INTS8: variants seen among roughly 807,000 people sequenced by gnomAD.
INTS8 encodes the protein integrator complex subunit 8.
A neutral mutation model predicts 138.9 loss-of-function variants in INTS8; 47 were observed. The observed-to-expected ratio is 0.34, with a 90% CI of 0.27 to 0.43. The LOEUF (loss-of-function observed/expected upper bound fraction) is 0.43. Ranked by LOEUF, INTS8 falls within the 20% of genes least tolerant of loss-of-function variation. The probability of loss-of-function intolerance (pLI) is 1.00; values close to 1 mark genes in which losing one functional copy is unlikely to be tolerated. For synonymous variants in INTS8, 392 were observed against 400.9 expected (o/e 0.98, Z 0.27); for missense variants, 996 against 1,173.0 (o/e 0.85, Z 2.20).
intron 1 of INTS8, among the ~76,000 whole-genome samples, chr8:94,824,158 A>T (rs954702224): frequency 6.6e-6 from 1 of 152,186 alleles, no homozygotes; most frequent in Admixed American, 6.5e-5. Context: ...GGTGTGATTG[A>T]TGGGGGAGGA....
Position 94,852,492 on chromosome 8 carries a change from C to A in INTS8, c.1641+806C>A, listed in dbSNP as rs111535183. 7.0e-3 allele frequency among the ~76,000 whole-genome samples: 1,071 copies of A among 152,084 alleles called. 8 individuals carry two copies. Among genetic ancestry groups the A allele is most frequent in the South Asian group, 0.01 (50 of 4,816 alleles). Reference sequence around the variant, plus strand: ...ATACAAGGGAAGTAATCGACAGATACAGGAGAAATTAAAGCAATATGGTAA... The same window carrying A: ...ATACAAGGGAAGTAATCGACAGATAAAGGAGAAATTAAAGCAATATGGTAA... On this transcript the variant is annotated intron_variant, in intron 13 of 26. Coordinates refer to ENST00000523731, the MANE Select transcript of INTS8 (RefSeq NM_017864.4).
intron 13 of INTS8, among the ~76,000 whole-genome samples, chr8:94,853,385 A>T (rs1209339141): frequency 6.6e-6 from 1 of 152,190 alleles, no homozygotes; most frequent in Non-Finnish European, 1.5e-5. Context: ...GGATTCTGGG[A>T]CTAACCGCGT....
intron 10 of INTS8, among the ~76,000 whole-genome samples, chr8:94,843,248 A>G (rs1815202620): frequency 1.3e-5 from 2 of 152,184 alleles, no homozygotes; most frequent in Non-Finnish European, 2.9e-5. Context: ...CAAGTTGTAT[A>G]TAAATAACAA....
intron 14 of INTS8, among the ~76,000 whole-genome samples, chr8:94,855,249 A>G (rs548319354): frequency 5.3e-5 from 8 of 152,240 alleles, no homozygotes; most frequent in African/African-American, 1.9e-4. Context: ...TTCATAAAAA[A>G]GTTTAGTTGA....
rs1388195228 is a variant in INTS8, at chr8:94,827,343, A to T, written c.386A>T (p.Asp129Val). The T allele has an allele frequency of 6.2e-7, 1 of 1,613,848 alleles. No individual in the cohort carries two copies. The highest frequency in any genetic ancestry group is 8.5e-7 in the Non-Finnish European group (1 of 1,179,796). Residue 129 changes from aspartate to valine, a missense_variant, in exon 3 of 27, where the codon GAC becomes GTC. By Grantham distance (152) the Asp-to-Val change is radical (BLOSUM62 -3). Coordinates refer to ENST00000523731, the MANE Select transcript of INTS8 (RefSeq NM_017864.4). Reference protein sequence around the residue: ...SKVPPGTKHVDMDLATLPPTT... With the variant: ...SKVPPGTKHVVMDLATLPPTT... ...GTTCCTCCTGGGACAAAGCATGTAG[A>T]CATGGATCTGGCCACTTTACCTCCG... is the stretch of plus-strand genomic sequence containing the variant.
chr8:94,867,570 C>T, intron 20 of INTS8: 1 of 387,920 alleles, frequency 2.6e-6, no homozygotes, highest in South Asian at 4.3e-5. Flanking sequence ...GTTGCCCAGG[C>T]TGGAATGCAG....
At chr8:94,865,803 T>A in intron 17 of INTS8, 113 bp downstream of exon 17, 1 of 1,012,244 alleles carries the variant, frequency 9.9e-7, no homozygotes, top group Non-Finnish European at 1.5e-6. Flanking sequence ...ATTCTGTATA[T>A]CATAAAGTTG....
At chr8:94,844,034 T>TA (rs1815238206) in intron 10 of INTS8, among the ~76,000 whole-genome samples, 1 of 150,868 alleles carries the variant, frequency 6.6e-6, no homozygotes, top group Non-Finnish European at 1.5e-5. Flanking sequence ...TGCTTTTTTT[T>TA]TTTTATTTTT....
In INTS8 at chr8:94,851,657, G is replaced by A. The variant is rs746735840; in HGVS notation, c.1612G>A (p.Glu538Lys). The change falls in exon 13 of 27, where the codon GAG becomes AAG. Residue 538 changes from glutamate to lysine, a missense_variant. Transcript: ENST00000523731. Reference sequence around the variant, plus strand: ...AATTGAATTACATGGTATGACTTCAGAGCGCCAGTTCTGGACAGTGTCTAA... The same window carrying A: ...AATTGAATTACATGGTATGACTTCAAAGCGCCAGTTCTGGACAGTGTCTAA... ...ILIELHGMTS[E>K]RQFWTVSNKW... The A allele has an allele frequency of 7.5e-6, 12 of 1,603,078 alleles. No individual in the cohort carries two copies. Among genetic ancestry groups the A allele is most frequent in the South Asian group, 2.2e-5 (2 of 89,122 alleles).
intron 15 of INTS8, among the ~76,000 whole-genome samples, chr8:94,858,469 A>G (rs1815834146): frequency 6.6e-6 from 1 of 152,214 alleles, no homozygotes; most frequent in Non-Finnish European, 1.5e-5. Context: ...ATGCTGCTGT[A>G]TACATATTTA....
intron 15 of INTS8, among the ~76,000 whole-genome samples, chr8:94,857,645 C>T (rs553316516): frequency 6.6e-6 from 1 of 152,322 alleles, no homozygotes; most frequent in Admixed American, 6.5e-5. Flanking sequence ...CTTCTGGTGA[C>T]CCAGCAATCT....
Position 94,880,422 on chromosome 8 carries a change from A to C in INTS8, c.*188A>C. On this transcript the variant is annotated 3_prime_UTR_variant, in exon 27 of 27. Transcript: ENST00000523731. ...CTTCATACCGTAACAATAAATGTAT[A>C]GTTTCTTCAAAGGGAGAAGAGATTC... The C allele has an allele frequency of 5.3e-6, 2 of 377,864 alleles. No homozygotes were observed. Among genetic ancestry groups the C allele is most frequent in the South Asian group, 7.7e-5 (1 of 12,978 alleles). The allele number at this position is 377,864 out of a possible 1,614,324, so 23.4% of individuals were successfully genotyped here.
At chr8:94,868,711 C>T (rs909913673) in intron 20 of INTS8, 1 of 152,046 alleles carries the variant, frequency 6.6e-6, no homozygotes, top group Non-Finnish European at 1.5e-5. Context: ...TGCTTTGTCG[C>T]CCAGGCTGGA....
In INTS8 at chr8:94,867,154, G is replaced by C; in HGVS notation, c.2310G>C (p.Leu770Phe). 6.2e-7 allele frequency: 1 copy of C among 1,608,910 alleles called. No individual in the cohort carries two copies. Among genetic ancestry groups the C allele is most frequent in the East Asian group, 2.2e-5 (1 of 44,810 alleles). ...CTTTCTCATAGGAACCACTCGTTTT[G>C]ACTATTATTTTATCACTCTTTGTGA... ...FIKKLREPLV[L>F]TIILSLFVKL... The change falls in exon 19 of 27, where the codon TTG (leucine) becomes TTC (phenylalanine). Residue 770 changes from leucine to phenylalanine, a missense_variant. Leu to Phe is a conservative substitution (Grantham distance 22). Coordinates refer to ENST00000523731, the MANE Select transcript of INTS8 (RefSeq NM_017864.4).
chr8:94,866,852 G>A (rs1432871362), intron 18 of INTS8: 1 of 318,422 alleles, frequency 3.1e-6, no homozygotes, highest in Non-Finnish European at 5.7e-6. Context: ...ATTATTTTAA[G>A]GGATAAAAAG....
intron 10 of INTS8, among the ~76,000 whole-genome samples, chr8:94,847,720 A>C (rs1035337982): frequency 6.6e-6 from 1 of 152,128 alleles, no homozygotes; most frequent in East Asian, 1.9e-4. Context: ...ATTGAAGTGC[A>C]TGAAATTCAC....
At chr8:94,831,513 G>A (rs1396215718) in intron 5 of INTS8, among the ~76,000 whole-genome samples, 3 of 106,082 alleles carry the variant, frequency 2.8e-5, no homozygotes, top group South Asian at 2.9e-4. Flanking sequence ...ATGGAGTTTC[G>A]CTCTGTCACC....
At chr8:94,835,234 ACTTGGTTATATG>A (rs1206970229) in intron 6 of INTS8, among the ~76,000 whole-genome samples, 1 of 152,216 alleles carries the variant, frequency 6.6e-6, no homozygotes, top group Non-Finnish European at 1.5e-5. Flanking sequence ...CTCTGCTATT[ACTTGGTTATATG>A]CTTTTCATGT....
chr8:94,831,329 G>A (rs1391592919), intron 5 of INTS8, among the ~76,000 whole-genome samples: 1 of 151,866 alleles, frequency 6.6e-6, no homozygotes, highest in Non-Finnish European at 1.5e-5. Context: ...GGCCAGGCAG[G>A]TCTCGAACCC....
Sources: allele counts gnomAD v4.1 joint callset (sites outside exome capture counted in the v4.1 genomes callset), GRCh38; gene constraint gnomAD v4.1.1; transcripts MANE v1.5; gene names NCBI Gene and HGNC (gene_info 2026-07-23, HGNC 2026-07-21).